Variants in DLGAP2 observed in about 807,000 individuals in gnomAD.
DLGAP2 encodes DLG associated protein 2.
In DLGAP2, 26 loss-of-function variants were observed where a neutral mutation model predicts 100.3. The ratio of observed to expected loss-of-function variants is 0.26; its 90% confidence interval spans 0.19 to 0.36. The LOEUF (loss-of-function observed/expected upper bound fraction) is 0.36, where lower values mean the gene tolerates loss of function less well. Ranked by LOEUF, DLGAP2 falls within the 10% of genes least tolerant of loss-of-function variation. DLGAP2 has a pLI of 1.00. For synonymous variants in DLGAP2, 886 were observed against 630.1 expected, an observed-to-expected ratio of 1.41 and a Z score of -6.08; for missense variants, 1,858 against 1,453.2, an observed-to-expected ratio of 1.28 and a Z score of -4.53.
chr8:739,151 G>C (rs1178276408), intron 1 of DLGAP2: 2 of 152,480 alleles, frequency 1.3e-5, no homozygotes, highest in Admixed American at 1.3e-4. Context: ...AGCCCGGGCT[G>C]TGGGGGGTTT....
At chr8:778,589 T>A (rs1017492447) in intron 1 of DLGAP2, among the ~76,000 whole-genome samples, 1 of 152,144 alleles carries the variant, frequency 6.6e-6, no homozygotes, top group African/African-American at 2.4e-5. Context: ...CTGCAGGTCT[T>A]TTGGAGTACC....
At chr8:897,344 C>T (rs192046745) in intron 1 of DLGAP2, among the ~76,000 whole-genome samples, 2 of 152,242 alleles carry the variant, frequency 1.3e-5, no homozygotes, top group African/African-American at 2.4e-5. Context: ...GTGAACACCA[C>T]GATTGTGCCG....
chr8:1,329,788 G>A (rs1801106877), intron 3 of DLGAP2, among the ~76,000 whole-genome samples: 1 of 152,224 alleles, frequency 6.6e-6, no homozygotes, highest in Non-Finnish European at 1.5e-5. Context: ...AGTTAGCACT[G>A]CTGTGAGCCC....
At chr8:1,324,377 G>T (rs532831648) in intron 3 of DLGAP2, among the ~76,000 whole-genome samples, 155 of 152,306 alleles carry the variant, frequency 1.0e-3, no homozygotes, top group African/African-American at 3.6e-3. Flanking sequence ...TTACAACACT[G>T]TAAGAAAGTT....
At chr8:907,109 C>T (rs11137108) in intron 1 of DLGAP2, among the ~76,000 whole-genome samples, 2 of 152,166 alleles carry the variant, frequency 1.3e-5, no homozygotes, top group Non-Finnish European at 1.5e-5. Flanking sequence ...GCAACAGCCT[C>T]TAATCACCCT....
intron 3 of DLGAP2, among the ~76,000 whole-genome samples, chr8:1,360,952 G>A (rs1024058882): frequency 7.9e-5 from 12 of 152,320 alleles, no homozygotes; most frequent in East Asian, 1.9e-4. Flanking sequence ...GCACAGTGCC[G>A]AGTGTCTAAA....
intron 1 of DLGAP2, among the ~76,000 whole-genome samples, chr8:836,553 G>C (rs7459616): frequency 0.44 from 67,486 of 152,082 alleles, 16,315 homozygotes; most frequent in East Asian, 0.97. Flanking sequence ...AGGTTCTGCC[G>C]GGGTGACCCT....
intron 2 of DLGAP2, among the ~76,000 whole-genome samples, chr8:1,133,746 A>C (rs2071058163): frequency 6.6e-6 from 1 of 152,210 alleles, no homozygotes. Flanking sequence ...CTAAAACCAG[A>C]CTTTGATTTT....
chr8:943,055 A>C (rs1250782254), intron 2 of DLGAP2, among the ~76,000 whole-genome samples: 1 of 152,206 alleles, frequency 6.6e-6, no homozygotes, highest in Non-Finnish European at 1.5e-5. Flanking sequence ...ACTGACCACA[A>C]TCCGAATTCC....
Position 1,234,876 on chromosome 8 carries a change from C to T in DLGAP2, c.74-23975C>T, listed in dbSNP as rs542492199. Among the ~76,000 whole-genome samples the T allele has an allele frequency of 6.6e-5, 10 of 152,330 alleles. No individual in the cohort carries two copies. The South Asian group carries it at 1.5e-3, about 22-fold the overall frequency. ...TGTTCAACACTTAACTGTCACAGCGCTGTGTCTAGGAGCTCCCTCTCACGT... is the reference window on the plus strand; with the variant it reads ...TGTTCAACACTTAACTGTCACAGCGTTGTGTCTAGGAGCTCCCTCTCACGT... On this transcript the variant is annotated intron_variant, in intron 2 of 14. Transcript: ENST00000637795.
intron 2 of DLGAP2, among the ~76,000 whole-genome samples, chr8:1,240,751 G>A (rs77821127): frequency 0.78 from 41,891 of 53,688 alleles, 17,335 homozygotes; most frequent in Middle Eastern, 0.93. Context: ...TGGTTCTCTC[G>A]CATGGCGCCG....
chr8:1,214,647 A>C lies in DLGAP2; in HGVS notation c.74-44204A>C, dbSNP rs890414274. Among the ~76,000 whole-genome samples, 6 of 152,312 alleles carry C rather than the reference A, an allele frequency of 3.9e-5. No individual in the cohort carries two copies. The East Asian group carries it at 1.2e-3, about 29-fold the overall frequency. ...TGCTTCTTCCCTATTGTCTGTTTTC[A>C]GTTAGGCTCTGAGGTCCTTTTTAAC... On this transcript the variant is annotated intron_variant, in intron 2 of 14. Coordinates refer to ENST00000637795, the MANE Select transcript of DLGAP2 (RefSeq NM_001346810.2).
In DLGAP2 at chr8:1,707,822, G is replaced by A. The variant is rs1799746929; in HGVS notation, c.*6416G>A. The stretch of plus-strand genomic sequence containing the variant: ...AAATATGAAATCATATCGAGTGTGA[G>A]GATGAGCAGAGTGCCAAATATTCAG... On this transcript the variant is annotated 3_prime_UTR_variant, in exon 15 of 15. Coordinates refer to ENST00000637795, the MANE Select transcript of DLGAP2 (RefSeq NM_001346810.2). The A allele has an allele frequency of 6.6e-6, 1 of 152,504 alleles. No homozygotes were observed. The highest frequency in any genetic ancestry group is 2.1e-4 in the South Asian group (1 of 4,826). The allele number at this position is 152,504 out of a possible 1,614,324, so 9.4% of individuals were successfully genotyped here.
At chr8:1,645,271 C>G (rs1168564606) in intron 8 of DLGAP2, among the ~76,000 whole-genome samples, 1 of 152,192 alleles carries the variant, frequency 6.6e-6, no homozygotes, top group Non-Finnish European at 1.5e-5. Flanking sequence ...ACTCTGAGTG[C>G]CCACACAACC....
At chr8:759,563 A>G (rs984079784) in intron 1 of DLGAP2, among the ~76,000 whole-genome samples, 1 of 145,020 alleles carries the variant, frequency 6.9e-6, no homozygotes, top group African/African-American at 2.6e-5. Flanking sequence ...TGTGTCCAGC[A>G]CTCCAGAGTC....
intron 2 of DLGAP2, among the ~76,000 whole-genome samples, chr8:1,222,304 C>T (rs568835888): frequency 6.6e-6 from 1 of 152,236 alleles, no homozygotes; most frequent in East Asian, 1.9e-4. Context: ...GTGGTATAAG[C>T]TGGGCTCAGT....
At chr8:1,368,959 C>G (rs1367279937) in intron 3 of DLGAP2, 1 of 152,178 alleles carries the variant, frequency 6.6e-6, no homozygotes, top group Non-Finnish European at 1.5e-5. Flanking sequence ...AAACGCAGGT[C>G]CTCCGCACAT....
chr8:1,039,038 A>C (rs936923829), intron 2 of DLGAP2, among the ~76,000 whole-genome samples: 4 of 152,186 alleles, frequency 2.6e-5, no homozygotes, highest in Non-Finnish European at 5.9e-5. Context: ...TTTTTCGGAA[A>C]CTTAGTTTTC....
intron 2 of DLGAP2, among the ~76,000 whole-genome samples, chr8:1,182,042 C>T (rs1797399991): frequency 6.6e-6 from 1 of 152,236 alleles, no homozygotes; most frequent in Admixed American, 6.5e-5. Context: ...AGCCTCTGTG[C>T]TGCAGTGCGT....
Sources: allele counts gnomAD v4.1 joint callset (sites outside exome capture counted in the v4.1 genomes callset), GRCh38; gene constraint gnomAD v4.1.1; transcripts MANE v1.5; gene names NCBI Gene and HGNC (gene_info 2026-07-23, HGNC 2026-07-21).